The following ALS2CL variants were observed in gnomAD, a reference collection of about 807,000 sequenced individuals.
ALS2CL encodes the protein ALS2 C-terminal-like protein.
In ALS2CL, 112 loss-of-function variants were observed where a neutral mutation model predicts 127.9. That is an observed-to-expected ratio of 0.88 (90% CI 0.75 to 1.02). The LOEUF is 1.02. ALS2CL is among the 50% of genes least tolerant of loss of function. The probability of loss-of-function intolerance (pLI) is 0.00; values close to 1 mark genes in which losing one functional copy is unlikely to be tolerated. For synonymous variants in ALS2CL, 519 were observed against 527.6 expected, an observed-to-expected ratio of 0.98 and a Z score of 0.22; for missense variants, 1,174 against 1,236.7, an observed-to-expected ratio of 0.95 and a Z score of 0.76.
rs574429564 is a variant in ALS2CL at position 46,689,423 on chromosome 3, C to A, written c.18G>T (p.Glu6Asp). Residue 6 changes from glutamate to aspartate, a missense_variant, in exon 2 of 26, where the codon GAG (glutamate) becomes GAT (aspartate). Coordinates refer to ENST00000318962, the MANE Select transcript of ALS2CL (RefSeq NM_147129.5). ...CCTCCTCCAGCCGCAGCAGAGCTGC[C>A]TCCTCAGGGTTGCACATGGCCAGGT... MCNPE[E>D]AALLRLEEVF... 6.2e-7 allele frequency: 1 copy of A among 1,610,816 alleles called. No homozygotes were observed. The highest frequency in any genetic ancestry group is 1.3e-5 in the African/African-American group (1 of 75,014).
intron 2 of ALS2CL, among the ~76,000 whole-genome samples, 165 bp from the exon 3 acceptor site, chr3:46,688,461 C>T (rs1699949173): frequency 6.6e-6 from 1 of 152,154 alleles, no homozygotes; most frequent in South Asian, 2.1e-4. Flanking sequence ...ATTGGTGAAC[C>T]CTAGAGCTGA....
rs920578508 is a variant in ALS2CL at position 46,680,786 on chromosome 3, G to T, written c.1437-245C>A. Reference sequence around the variant, plus strand: ...CCGTGGAGGTGGCAGGAAGGACAGGGGGAATAGGAGTGTGTGCAAAGCCAT... The same window carrying T: ...CCGTGGAGGTGGCAGGAAGGACAGGTGGAATAGGAGTGTGTGCAAAGCCAT... On this transcript the variant is annotated intron_variant, in intron 13 of 25. Transcript: ENST00000318962. The T allele has an allele frequency of 7.2e-6, 4 of 558,132 alleles. No homozygotes were observed. The Admixed American group carries it at 1.2e-4, about 17-fold the overall frequency. The allele number at this position is 558,132 out of a possible 1,614,324, so 34.6% of individuals were successfully genotyped here. A position where few individuals can be genotyped will look rare whatever the true frequency, so the allele number is the denominator to read the frequency against.
chr3:46,692,130 G>A (rs1700194406), intron 1 of ALS2CL, among the ~76,000 whole-genome samples: 1 of 152,186 alleles, frequency 6.6e-6, no homozygotes. Flanking sequence ...TGGTGAGGCA[G>A]TGGGTTGGGG....
intron 13 of ALS2CL, 88 bp from the exon 14 acceptor site, chr3:46,680,629 T>G (rs1575427603): frequency 8.4e-7 from 1 of 1,194,592 alleles, no homozygotes; most frequent in Non-Finnish European, 1.2e-6. Flanking sequence ...CGGCAGGGAG[T>G]GCAGATAAGG....
intron 22 of ALS2CL, 152 bp downstream of exon 22, chr3:46,673,187 G>T: frequency 1.3e-6 from 1 of 758,686 alleles, no homozygotes; most frequent in Non-Finnish European, 2.1e-6. Flanking sequence ...CCACCACACT[G>T]GGAGGTCAGA....
At chr3:46,685,673 C>T (rs375143114) in intron 6 of ALS2CL, 29 bp from the exon 7 acceptor site, 3 of 1,598,922 alleles carry the variant, frequency 1.9e-6, no homozygotes, top group Non-Finnish European at 2.6e-6. Flanking sequence ...CAGTACAAGG[C>T]TTAGGCACCT....
intron 18 of ALS2CL, 95 bp downstream of exon 18, chr3:46,676,547 C>T (rs1698838835): frequency 1.3e-6 from 2 of 1,541,900 alleles, no homozygotes; most frequent in Non-Finnish European, 8.8e-7. Context: ...AGGCCTGTCC[C>T]CTTCAGTCAG....
chr3:46,683,430 C>A, intron 9 of ALS2CL, 104 bp from the exon 10 acceptor site: 1 of 1,157,084 alleles, frequency 8.6e-7, no homozygotes, highest in Non-Finnish European at 1.2e-6. Flanking sequence ...CCACCCTCCA[C>A]CTCCTACTCC....
intron 1 of ALS2CL, among the ~76,000 whole-genome samples, chr3:46,691,576 C>A (rs1234895014): frequency 6.6e-6 from 1 of 152,104 alleles, no homozygotes; most frequent in Admixed American, 6.5e-5. Context: ...CCAGGAGCAG[C>A]CCTCACCTGG....
Position 46,670,973 on chromosome 3 carries a change from G to A in ALS2CL, c.*11C>T. On this transcript the variant is annotated 3_prime_UTR_variant, in exon 26 of 26. Coordinates refer to ENST00000318962, the MANE Select transcript of ALS2CL (RefSeq NM_147129.5). The surrounding 1 kb of genome is among the most constrained non-coding windows in gnomAD (Gnocchi z 5.5). Reference sequence around the variant, plus strand: ...CTGCTCAGCTCTTCAGTCTGTCCAGGAAAGGCCAGGCTACCAGAGCTCCCT... The same window carrying A: ...CTGCTCAGCTCTTCAGTCTGTCCAGAAAAGGCCAGGCTACCAGAGCTCCCT... The A allele has an allele frequency of 6.2e-7, 1 of 1,612,384 alleles. No homozygotes were observed. Among genetic ancestry groups the A allele is most frequent in the Non-Finnish European group, 8.5e-7 (1 of 1,178,402 alleles).
In ALS2CL at chr3:46,681,895, G is replaced by A. The variant is rs903270804; in HGVS notation, c.1175+134C>T. ...CCCTTTGGTACAGTGGGCGGGGGCTGGACCGGATTGTCTCTAAGTTCCTGC... is the reference window on the plus strand; with the variant it reads ...CCCTTTGGTACAGTGGGCGGGGGCTAGACCGGATTGTCTCTAAGTTCCTGC... On this transcript the variant is annotated intron_variant, in intron 11 of 25. Coordinates refer to ENST00000318962, the MANE Select transcript of ALS2CL (RefSeq NM_147129.5). This position sits in a 1 kb window ranked among gnomAD's most constrained non-coding sequence, Gnocchi z 4.9. The A allele has an allele frequency of 8.6e-7, 1 of 1,162,864 alleles. No homozygotes were observed. Among genetic ancestry groups the A allele is most frequent in the Non-Finnish European group, 1.2e-6 (1 of 811,000 alleles). 72.0% of individuals were successfully genotyped at this position (1,162,864 alleles called of 1,614,324 possible).
chr3:46,673,248 G>A, intron 22 of ALS2CL, 91 bp downstream of exon 22: 3 of 956,870 alleles, frequency 3.1e-6, no homozygotes, highest in African/African-American at 1.7e-5. Flanking sequence ...CTCCTCTGCA[G>A]CCTCCGCCCA....
chr3:46,672,506 T>C (rs535259309), intron 22 of ALS2CL, among the ~76,000 whole-genome samples: 7 of 152,356 alleles, frequency 4.6e-5, no homozygotes, highest in Non-Finnish European at 1.5e-5. Flanking sequence ...CCTATGTCGA[T>C]GGTTCTCAAA....
intron 16 of ALS2CL, 47 bp downstream of exon 16, chr3:46,678,212 A>T: frequency 5.3e-6 from 8 of 1,500,194 alleles, no homozygotes; most frequent in Non-Finnish European, 7.2e-6. Flanking sequence ...ATGGAAACAC[A>T]GACACATCCC....
At position 46,685,570 on chromosome 3, in the gene ALS2CL, C is replaced by T. The variant is rs759106566; in HGVS notation, c.741G>A (p.Arg247=). The T allele has an allele frequency of 3.1e-6, 5 of 1,613,940 alleles. No individual in the cohort carries two copies. In the East Asian group the frequency reaches 1.1e-4, roughly 36 times the overall value. The part of the protein sequence containing the change: ...QDVPVTVAPL[R]AERVLLFDDA... ...CATCAAAGAGCAGCACACGCTCAGC[C>T]CGCAACGGTGCGACCGTCACGGGTA... The change falls in exon 7 of 26, where the codon CGG becomes CGA. Residue 247 remains arginine (R), a synonymous_variant. Transcript: ENST00000318962.
chr3:46,679,187 A>G (rs574301636), intron 15 of ALS2CL, 23 bp downstream of exon 15: 3 of 1,547,648 alleles, frequency 1.9e-6, no homozygotes, highest in South Asian at 1.2e-5. Context: ...CAGGGTGTGG[A>G]GGGGGGCCTC....
chr3:46,690,589 C>T (rs542870108), intron 1 of ALS2CL, among the ~76,000 whole-genome samples: 3 of 152,232 alleles, frequency 2.0e-5, no homozygotes, highest in Non-Finnish European at 4.4e-5. Context: ...CCCTGGTACC[C>T]TCACTTGGCA....
In ALS2CL at chr3:46,683,923, G is replaced by T. The variant is rs758815182; in HGVS notation, c.845+66C>A. On this transcript the variant is annotated intron_variant, in intron 8 of 25. Transcript: ENST00000318962. ...GAGGGGCCCAAGCCAGAGTCCCAGG[G>T]TGTGGGCAGGTGTCATGGGGGTAAA... The T allele has an allele frequency of 5.6e-6, 9 of 1,613,186 alleles. No individual in the cohort carries two copies. The African/African-American group carries it at 6.7e-5, about 12-fold the overall frequency.
chr3:46,679,131 C>G, intron 15 of ALS2CL, 79 bp downstream of exon 15: 1 of 1,427,042 alleles, frequency 7.0e-7, no homozygotes, highest in Non-Finnish European at 9.6e-7. Flanking sequence ...CTGCCCCCAG[C>G]CCTGAGTCTA....
Sources: allele counts gnomAD v4.1 joint callset (sites outside exome capture counted in the v4.1 genomes callset), GRCh38; gene constraint gnomAD v4.1.1; non-coding constraint Gnocchi (gnomAD v3.1); transcripts MANE v1.5; gene names NCBI Gene and HGNC (gene_info 2026-07-23, HGNC 2026-07-21).